Variants in KCNH5 observed in about 807,000 individuals in gnomAD.
KCNH5 encodes the protein potassium voltage-gated channel subfamily H member 5, also known as voltage-gated delayed rectifier potassium channel KCNH5.
KCNH5 carries 46 observed loss-of-function variants against 96.1 expected under a neutral mutation model. That is an observed-to-expected ratio of 0.48 (90% CI 0.38 to 0.61). The LOEUF is 0.61. KCNH5 is among the 20% of genes least tolerant of loss of function. The pLI is 0.00. For missense variants in KCNH5, 907 were observed against 1,225.8 expected, an observed-to-expected ratio of 0.74 and a Z score of 3.88; for synonymous variants, 439 against 449.8, an observed-to-expected ratio of 0.98 and a Z score of 0.30.
At chr14:63,040,858 A>T (rs559834931) in intron 1 of KCNH5, among the ~76,000 whole-genome samples, 1 of 152,040 alleles carries the variant, frequency 6.6e-6, no homozygotes, top group Non-Finnish European at 1.5e-5. Context: ...TCTCAAGCAG[A>T]ATGAAAAATT....
At chr14:62,746,513 G>A (rs1885378217) in intron 10 of KCNH5, among the ~76,000 whole-genome samples, 1 of 152,210 alleles carries the variant, frequency 6.6e-6, no homozygotes, top group Non-Finnish European at 1.5e-5. Context: ...GATGGCACAG[G>A]TGCCAATCAG....
chr14:62,723,769 G>A (rs1884864800), intron 10 of KCNH5, among the ~76,000 whole-genome samples: 1 of 152,128 alleles, frequency 6.6e-6, no homozygotes, highest in Non-Finnish European at 1.5e-5. Flanking sequence ...TCTACTTAAG[G>A]TAAATCATTC....
chr14:62,766,022 T>C (rs760071651), intron 10 of KCNH5, among the ~76,000 whole-genome samples: 1 of 152,028 alleles, frequency 6.6e-6, no homozygotes, highest in African/African-American at 2.4e-5. Flanking sequence ...CAATCAAAAA[T>C]GGGCAAAAGA....
At chr14:63,025,563 A>G (rs759315732) in intron 1 of KCNH5, among the ~76,000 whole-genome samples, 1 of 151,870 alleles carries the variant, frequency 6.6e-6, no homozygotes, top group African/African-American at 2.4e-5. Flanking sequence ...AAACAGTTCT[A>G]TAACAACAAG....
intron 9 of KCNH5, among the ~76,000 whole-genome samples, chr14:62,797,654 T>C (rs1368523064): frequency 6.6e-6 from 1 of 152,002 alleles, no homozygotes; most frequent in Non-Finnish European, 1.5e-5. Flanking sequence ...GTAATAAAAA[T>C]AAGGAGATTT....
chr14:63,020,964 C>T (rs1891415724), intron 1 of KCNH5, among the ~76,000 whole-genome samples: 1 of 152,102 alleles, frequency 6.6e-6, no homozygotes, highest in Non-Finnish European at 1.5e-5. Context: ...TGCAAAAGTA[C>T]TTCAGAAAGT....
chr14:62,914,084 T>A (rs933689590), intron 7 of KCNH5, among the ~76,000 whole-genome samples: 5 of 152,248 alleles, frequency 3.3e-5, no homozygotes, highest in African/African-American at 9.6e-5. Flanking sequence ...ATGTGCTTTC[T>A]TAAAATTGAA....
chr14:62,815,298 A>T (rs773265117), intron 8 of KCNH5, among the ~76,000 whole-genome samples: 6 of 152,150 alleles, frequency 3.9e-5, no homozygotes, highest in Non-Finnish European at 8.8e-5. Context: ...TTAATTCCTG[A>T]AGAAGACATG....
At chr14:62,906,453 C>T (rs1889029610) in intron 7 of KCNH5, among the ~76,000 whole-genome samples, 2 of 152,116 alleles carry the variant, frequency 1.3e-5, no homozygotes, top group South Asian at 4.2e-4. Flanking sequence ...AATCCCTTTC[C>T]TCTCTTTTAC....
intron 10 of KCNH5, among the ~76,000 whole-genome samples, chr14:62,721,509 T>G (rs866320461): frequency 1.3e-5 from 2 of 151,780 alleles, no homozygotes; most frequent in South Asian, 2.1e-4. Flanking sequence ...GCTCTCTCTC[T>G]CTCTCTCTCT....
chr14:62,732,166 C>T (rs8009892), intron 10 of KCNH5, among the ~76,000 whole-genome samples: 9,703 of 152,186 alleles, frequency 0.064, 847 homozygotes, highest in African/African-American at 0.19. Flanking sequence ...AGGCATATCA[C>T]GTTTATGCCT....
intron 6 of KCNH5, among the ~76,000 whole-genome samples, chr14:62,956,130 A>G (rs1453553299): frequency 6.6e-6 from 1 of 152,126 alleles, no homozygotes; most frequent in African/African-American, 2.4e-5. Context: ...AATGCCCGCA[A>G]TCCCATCTCT....
intron 8 of KCNH5, among the ~76,000 whole-genome samples, chr14:62,826,157 G>A (rs897503569): frequency 4.6e-5 from 7 of 151,992 alleles, no homozygotes; most frequent in Non-Finnish European, 7.4e-5. Context: ...GTGTTAAAGT[G>A]TCGTATTATT....
intron 10 of KCNH5, among the ~76,000 whole-genome samples, chr14:62,735,008 C>A (rs1885127703): frequency 6.6e-6 from 1 of 152,070 alleles, no homozygotes; most frequent in African/African-American, 2.4e-5. Flanking sequence ...GAAGTCAAGA[C>A]AAGTGCAGAC....
At chr14:62,841,337 T>G (rs1452562181) in intron 8 of KCNH5, among the ~76,000 whole-genome samples, 1 of 152,140 alleles carries the variant, frequency 6.6e-6, no homozygotes, top group Non-Finnish European at 1.5e-5. Context: ...TAAAAATAAG[T>G]GTATCAATAG....
At chr14:62,838,488 T>G (rs1887509918) in intron 8 of KCNH5, among the ~76,000 whole-genome samples, 1 of 152,194 alleles carries the variant, frequency 6.6e-6, no homozygotes, top group African/African-American at 2.4e-5. Flanking sequence ...TGCTGAATGG[T>G]TGAACTCTGA....
At chr14:62,791,894 C>T (rs1053770105) in intron 9 of KCNH5, among the ~76,000 whole-genome samples, 7 of 151,474 alleles carry the variant, frequency 4.6e-5, no homozygotes, top group Non-Finnish European at 8.9e-5. Context: ...AAGAAATACT[C>T]GACTTGAACT....
intron 7 of KCNH5, among the ~76,000 whole-genome samples, chr14:62,947,808 TTTTA>T (rs145127615): frequency 0.16 from 24,901 of 151,348 alleles, 3,027 homozygotes; most frequent in African/African-American, 0.34. Flanking sequence ...GTACAATCTT[TTTTA>T]TTTATTTATT....
At chr14:63,015,515 T>C (rs1891309982) in intron 2 of KCNH5, among the ~76,000 whole-genome samples, 1 of 152,058 alleles carries the variant, frequency 6.6e-6, no homozygotes, top group Middle Eastern at 3.2e-3. Context: ...ATATACATGT[T>C]CCTCTGATTA....
Sources: gnomAD v4.1 joint callset for allele counts (sites outside exome capture counted in the v4.1 genomes callset) on GRCh38, gnomAD v4.1.1 for gene constraint, MANE v1.5 for transcripts, NCBI Gene and HGNC (gene_info 2026-07-23, HGNC 2026-07-21) for gene names.